Variants in FAM20A observed in about 807,000 individuals in gnomAD.
FAM20A encodes the protein pseudokinase FAM20A.
Under a neutral mutation model 52.0 loss-of-function variants are expected in FAM20A, and 42 were observed. The observed-to-expected ratio is 0.81, with a 90% CI of 0.63 to 1.04. The LOEUF (loss-of-function observed/expected upper bound fraction) is 1.04, where lower values mean the gene tolerates loss of function less well. Among genes scored for constraint, FAM20A ranks in the 50% least tolerant of loss-of-function variants. The pLI is 0.00. For missense variants in FAM20A, 742 were observed against 712.7 expected, an observed-to-expected ratio of 1.04 and a Z score of -0.47; for synonymous variants, 304 against 298.9, an observed-to-expected ratio of 1.02 and a Z score of -0.18.
intron 1 of FAM20A, chr17:68,558,402 G>A (rs2087115207): frequency 2.4e-6 from 1 of 411,026 alleles, no homozygotes; most frequent in Non-Finnish European, 4.9e-6. Flanking sequence ...TTGAAGGTGG[G>A]GCCTGGTGGG....
At position 68,600,581 on chromosome 17, in the gene FAM20A, G is replaced by T; in HGVS notation, c.86C>A (p.Pro29His). The part of the protein sequence containing the change: ...LSADLYFHLW[P>H]QVQRQLRPRE... ...AGGCCGCAGCTGGCGCTGTACTTGG[G>T]GCCAGAGGTGGAAGTAGAGGTCGGC... The change falls in exon 1 of 11, where the codon CCC becomes CAC. Residue 29 changes from proline (P) to histidine (H), a missense_variant. Transcript: ENST00000592554. This position sits in a 1 kb window ranked among gnomAD's most constrained non-coding sequence, Gnocchi z 6.2. 6.4e-7 allele frequency: 1 copy of T among 1,561,332 alleles called. No homozygotes were observed. The highest frequency in any genetic ancestry group is 2.4e-5 in the East Asian group (1 of 42,322).
chr17:68,599,051 A>G (rs2088537103), intron 1 of FAM20A, among the ~76,000 whole-genome samples: 1 of 152,196 alleles, frequency 6.6e-6, no homozygotes, highest in Non-Finnish European at 1.5e-5. Context: ...TAGAGTTACT[A>G]CTGAAATTCA....
chr17:68,543,916 C>G (rs2086429424), intron 4 of FAM20A, among the ~76,000 whole-genome samples, 195 bp from the exon 5 acceptor site: 1 of 152,170 alleles, frequency 6.6e-6, no homozygotes, highest in Non-Finnish European at 1.5e-5. Flanking sequence ...TGGGAGGAGA[C>G]AGGCTTCTTG....
At chr17:68,543,562 G>T in intron 5 of FAM20A, 67 bp downstream of exon 5, 1 of 1,426,102 alleles carries the variant, frequency 7.0e-7, no homozygotes, top group Non-Finnish European at 9.9e-7. Context: ...TTGAGGGTCT[G>T]TCTAGCCACC....
rs371679648 is a variant in FAM20A, at chr17:68,552,705, C to T, written c.641-754G>A. On this transcript the variant is annotated intron_variant, in intron 3 of 10. Coordinates refer to ENST00000592554, the MANE Select transcript of FAM20A (RefSeq NM_017565.4). ...TTTTTTTTTTTTTGAGACGGAGTCT[C>T]GCTCTGTCGCCCAGGCCGGACTGCG... Among the ~76,000 whole-genome samples the T allele has an allele frequency of 6.8e-3, 549 of 80,390 alleles. 21 individuals carry two copies. Among genetic ancestry groups the T allele is most frequent in the African/African-American group, 0.024 (502 of 21,028 alleles). 52.7% of individuals were successfully genotyped at this position (80,390 alleles called of 152,430 possible). A position where few individuals can be genotyped will look rare whatever the true frequency, so the allele number is the denominator to read the frequency against.
intron 1 of FAM20A, among the ~76,000 whole-genome samples, chr17:68,572,961 G>A (rs1356225038): frequency 2.6e-5 from 4 of 152,150 alleles, no homozygotes; most frequent in Admixed American, 2.6e-4. Context: ...CCCAAAGTGA[G>A]CTCCCAATTC....
intron 4 of FAM20A, among the ~76,000 whole-genome samples, chr17:68,547,508 G>T (rs1388476593): frequency 2.6e-5 from 4 of 152,180 alleles, no homozygotes; most frequent in Non-Finnish European, 4.4e-5. Flanking sequence ...AGATCTTCTG[G>T]ATAACCTGCT....
chr17:68,562,698 T>C (rs182515340), intron 1 of FAM20A, among the ~76,000 whole-genome samples: 1 of 151,868 alleles, frequency 6.6e-6, no homozygotes, highest in African/African-American at 2.4e-5. Flanking sequence ...CCTCTTGTAC[T>C]TGCATGATCT....
chr17:68,546,700 G>A (rs1386413920), intron 4 of FAM20A, among the ~76,000 whole-genome samples: 1 of 151,706 alleles, frequency 6.6e-6, no homozygotes, highest in Non-Finnish European at 1.5e-5. Context: ...CATGGTGGCC[G>A]GCGCCTGTAG....
intron 6 of FAM20A, 126 bp downstream of exon 6, chr17:68,542,568 T>G (rs2086351372): frequency 2.6e-6 from 2 of 776,478 alleles, no homozygotes; most frequent in Admixed American, 1.9e-5. Flanking sequence ...TCTTACAACT[T>G]CATACGCCCA....
chr17:68,575,522 TTATATAA>T (rs546219732), intron 1 of FAM20A, among the ~76,000 whole-genome samples: 2,423 of 72,032 alleles, frequency 0.034, 81 homozygotes, highest in African/African-American at 0.15. Context: ...ATTTTATATA[TTATATAA>T]TATATATTTT....
chr17:68,572,026 A>G lies in FAM20A; in HGVS notation c.405-16283T>C, dbSNP rs1307211639. ...TATATATATATATATATATATATAT[A>G]TATATATATATATATGTAGCAGGGA... On this transcript the variant is annotated intron_variant, in intron 1 of 10. Coordinates refer to ENST00000592554, the MANE Select transcript of FAM20A (RefSeq NM_017565.4). Among the ~76,000 whole-genome samples the G allele has an allele frequency of 2.6e-5, 3 of 117,640 alleles. 1 individual carries two copies. The highest frequency in any genetic ancestry group is 2.9e-4 in the East Asian group (1 of 3,462). 77.2% of individuals were successfully genotyped at this position (117,640 alleles called of 152,430 possible).
Position 68,600,870 on chromosome 17 carries a change from GCT to G in FAM20A, c.-206_-205del, listed in dbSNP as rs955460748. The G allele has an allele frequency of 5.6e-6, 3 of 535,906 alleles. No individual in the cohort carries two copies. The highest frequency in any genetic ancestry group is 3.2e-6 in the Non-Finnish European group (1 of 313,224). The allele number at this position is 535,906 out of a possible 1,614,324, so 33.2% of individuals were successfully genotyped here. On this transcript the variant is annotated 5_prime_UTR_variant, in exon 1 of 11. Coordinates refer to ENST00000592554, the MANE Select transcript of FAM20A (RefSeq NM_017565.4). This position sits in a 1 kb window ranked among gnomAD's most constrained non-coding sequence, Gnocchi z 6.2. ...GGGACCAGGTGCACGGAGCACCGGG[GCT>G]CTCGGAGTCAGCGGGCGTCGCTTCT...
chr17:68,586,719 C>G (rs191814205), intron 1 of FAM20A, among the ~76,000 whole-genome samples: 23 of 152,320 alleles, frequency 1.5e-4, no homozygotes, highest in Admixed American at 1.3e-3. Flanking sequence ...GATTTCTATC[C>G]TTTAGAACTG....
At chr17:68,567,216 A>T (rs1483399921) in intron 1 of FAM20A, among the ~76,000 whole-genome samples, 1 of 151,862 alleles carries the variant, frequency 6.6e-6, no homozygotes, top group Non-Finnish European at 1.5e-5. Context: ...AACTGCCCAA[A>T]CCTGCTGTTA....
At chr17:68,554,940 G>T in intron 2 of FAM20A, 113 bp from the exon 3 acceptor site, 2 of 1,132,692 alleles carry the variant, frequency 1.8e-6, no homozygotes, top group Non-Finnish European at 2.6e-6. Context: ...CTGTGATGTA[G>T]CCTGGGGCCC....
chr17:68,573,434 CTCTTTCTTTCTTTCTTTCTTTCTTCTT>C (rs1423947105), intron 1 of FAM20A, among the ~76,000 whole-genome samples: 3 of 135,642 alleles, frequency 2.2e-5, no homozygotes, highest in Non-Finnish European at 4.9e-5. Context: ...TCTTTCCTTT[CTCTTTCTTTCTTTCTTTCTTTCTTCTT>C]TCTTTCTTTC....
Position 68,536,191 on chromosome 17 carries a change from A to C in FAM20A, c.*1286T>G, listed in dbSNP as rs2086092198. 2 of 453,974 alleles carry C rather than the reference A, an allele frequency of 4.4e-6. No individual in the cohort carries two copies. Among genetic ancestry groups the C allele is most frequent in the African/African-American group, 2.0e-5 (1 of 49,994 alleles). 28.1% of individuals were successfully genotyped at this position (453,974 alleles called of 1,614,324 possible). A position where few individuals can be genotyped will look rare whatever the true frequency, so the allele number is the denominator to read the frequency against. Reference sequence around the variant, plus strand: ...CTCACACTGCAGAAAGCTTGGAGACATTTCTGGTTCTTGACCTTGTACTCT... The same window carrying C: ...CTCACACTGCAGAAAGCTTGGAGACCTTTCTGGTTCTTGACCTTGTACTCT... On this transcript the variant is annotated 3_prime_UTR_variant, in exon 11 of 11. Transcript: ENST00000592554.
intron 8 of FAM20A, 98 bp from the exon 9 acceptor site, chr17:68,540,064 TGA>T: frequency 9.7e-7 from 1 of 1,028,458 alleles, no homozygotes. Context: ...TGTCATCACT[TGA>T]GAGACAGGGG....
Sources: allele counts gnomAD v4.1 joint callset (sites outside exome capture counted in the v4.1 genomes callset), GRCh38; gene constraint gnomAD v4.1.1; non-coding constraint Gnocchi (gnomAD v3.1); transcripts MANE v1.5; gene names NCBI Gene and HGNC (gene_info 2026-07-23, HGNC 2026-07-21).